The following PIAS2 variants were observed in gnomAD, a reference collection of about 807,000 sequenced individuals.
PIAS2 encodes the protein protein inhibitor of activated STAT 2, also known as E3 SUMO-protein ligase PIAS2.
In PIAS2, 19 loss-of-function variants were observed where a neutral mutation model predicts 69.7. The observed-to-expected ratio is 0.27, with a 90% CI of 0.19 to 0.40. The LOEUF (loss-of-function observed/expected upper bound fraction) is 0.40. PIAS2 is among the 10% of genes least tolerant of loss of function. The pLI, the probability that PIAS2 is intolerant of heterozygous loss-of-function variation, is 1.00. For synonymous variants in PIAS2, 261 were observed against 263.2 expected (o/e 0.99, Z 0.08); for missense variants, 624 against 757.0 (o/e 0.82, Z 2.06).
intron 5 of PIAS2, among the ~76,000 whole-genome samples, chr18:46,849,478 CAG>C (rs2046643114): frequency 6.6e-6 from 1 of 152,118 alleles, no homozygotes; most frequent in Admixed American, 6.5e-5. Flanking sequence ...GTTCATGTGA[CAG>C]GGAACCAGTG....
intron 2 of PIAS2, among the ~76,000 whole-genome samples, chr18:46,880,805 A>G (rs1378897384): frequency 6.6e-6 from 1 of 152,208 alleles, no homozygotes; most frequent in Non-Finnish European, 1.5e-5. Context: ...CTGTGTCTTG[A>G]CATGTTGGAA....
chr18:46,837,881 T>C (rs2044692346), intron 8 of PIAS2, among the ~76,000 whole-genome samples: 1 of 152,220 alleles, frequency 6.6e-6, no homozygotes, highest in Non-Finnish European at 1.5e-5. Flanking sequence ...TCTAGATCTC[T>C]GCTCACCACT....
At chr18:46,890,355 G>A (rs774561336) in intron 2 of PIAS2, among the ~76,000 whole-genome samples, 3 of 152,168 alleles carry the variant, frequency 2.0e-5, no homozygotes, top group Non-Finnish European at 4.4e-5. Flanking sequence ...TATATTATGT[G>A]TATTTTACAA....
At chr18:46,832,892 C>CAAAA (rs34958166) in intron 9 of PIAS2, among the ~76,000 whole-genome samples, 1 of 105,998 alleles carries the variant, frequency 9.4e-6, no homozygotes, top group Non-Finnish European at 1.9e-5. Context: ...CCTCTGTCTC[C>CAAAA]AAAAAAAAAA....
At chr18:46,824,218 G>C (rs1599381306) in intron 11 of PIAS2, among the ~76,000 whole-genome samples, 1 of 152,124 alleles carries the variant, frequency 6.6e-6, no homozygotes, top group South Asian at 2.1e-4. Context: ...ACTCACATTT[G>C]CTCAGACTTG....
At position 46,836,423 on chromosome 18, in the gene PIAS2, T is replaced by C. The variant is rs151109124; in HGVS notation, c.1136A>G (p.Lys379Arg). ...CACAGGACAAATCCAGGTGGGCTTT[T>C]TCTCATTCATTTGTAGATAGAGGGC... ...DAALYLQMNEKKPTWICPVCD... is the reference protein window; with the variant it reads ...DAALYLQMNERKPTWICPVCD... The change falls in exon 9 of 14, where the codon AAA (lysine) becomes AGA (arginine). Residue 379 changes from lysine (K) to arginine (R), a missense_variant. By Grantham distance (26) the Lys-to-Arg change is conservative (BLOSUM62 2). This residue lies in a region of PIAS2 where 44 missense variants were observed against 90.9 expected (regional missense o/e 0.48). Transcript: ENST00000585916. 2.9e-4 allele frequency: 466 copies of C among 1,613,922 alleles called. 5 individuals are homozygous for C. Among genetic ancestry groups the C allele is most frequent in the Admixed American group, 4.7e-4 (28 of 60,004 alleles).
chr18:46,883,016 T>C (rs1169539260), intron 2 of PIAS2, among the ~76,000 whole-genome samples: 2 of 150,664 alleles, frequency 1.3e-5, no homozygotes, highest in East Asian at 2.0e-4. Context: ...AAAAATCGCT[T>C]GAACCCGGGA....
intron 2 of PIAS2, among the ~76,000 whole-genome samples, chr18:46,889,952 T>C (rs2053808272): frequency 6.6e-6 from 1 of 152,170 alleles, no homozygotes; most frequent in Non-Finnish European, 1.5e-5. Context: ...AGTAGTGGAG[T>C]GAGCAAAAGA....
upstream of PIAS2, chr18:46,919,955 A>T: frequency 1.5e-6 from 1 of 682,296 alleles, no homozygotes; most frequent in South Asian, 1.5e-5. Context: ...ATAGACGAAT[A>T]GAGTACAATA....
At chr18:46,876,558 A>G (rs1244921758) in intron 2 of PIAS2, among the ~76,000 whole-genome samples, 1 of 152,218 alleles carries the variant, frequency 6.6e-6, no homozygotes, top group Non-Finnish European at 1.5e-5. Flanking sequence ...AGTTTGTGTC[A>G]TCATTGGAAC....
At chr18:46,812,836 G>A (rs1207022921) in intron 13 of PIAS2, among the ~76,000 whole-genome samples, 1 of 152,066 alleles carries the variant, frequency 6.6e-6, no homozygotes, top group Non-Finnish European at 1.5e-5. Context: ...CTCTAAACTT[G>A]TGGAACTTGT....
chr18:46,919,238 G>GCA (rs1362185962), upstream of PIAS2, among the ~76,000 whole-genome samples: 4 of 151,900 alleles, frequency 2.6e-5, no homozygotes, highest in African/African-American at 7.3e-5. Context: ...CTAAATTCCA[G>GCA]CACTTTGGGA....
intron 12 of PIAS2, among the ~76,000 whole-genome samples, chr18:46,819,997 T>C (rs2041995051): frequency 6.6e-6 from 1 of 152,132 alleles, no homozygotes; most frequent in Non-Finnish European, 1.5e-5. Context: ...TCAGAAAATA[T>C]CACATGGAAA....
At chr18:46,876,129 A>C (rs2051148290) in intron 2 of PIAS2, among the ~76,000 whole-genome samples, 1 of 152,220 alleles carries the variant, frequency 6.6e-6, no homozygotes. Flanking sequence ...GCGGACCATC[A>C]CTGGACACTC....
Position 46,812,598 on chromosome 18 carries a change from C to CAT in PIAS2, c.1699_1700dup (p.Met567IlefsTer11), listed in dbSNP as rs1426126690. 1.2e-6 allele frequency: 2 copies of CAT among 1,611,170 alleles called. No homozygotes were observed. Among genetic ancestry groups the CAT allele is most frequent in the Non-Finnish European group, 1.7e-6 (2 of 1,177,556 alleles). ...AGGGTGAGGTGAGACTATCCAAAAA[C>CAT]ATAGGAGGACAGTACTGCTTGAAAC... On this transcript the variant is annotated frameshift_variant, in exon 14 of 14. Coordinates refer to ENST00000585916, the MANE Select transcript of PIAS2 (RefSeq NM_004671.5). LOFTEE classifies it high-confidence loss of function.
intron 1 of PIAS2, chr18:46,905,831 C>A (rs2056527663): frequency 6.6e-6 from 1 of 152,032 alleles, no homozygotes; most frequent in Non-Finnish European, 1.5e-5. Context: ...TAAGCAAGTT[C>A]TACTAAATAT....
intron 2 of PIAS2, among the ~76,000 whole-genome samples, chr18:46,865,646 A>G (rs1354398282): frequency 6.6e-6 from 1 of 152,176 alleles, no homozygotes; most frequent in Non-Finnish European, 1.5e-5. Context: ...CACAAGTCAC[A>G]TCAAGTCAGA....
At chr18:46,835,730 A>T (rs773699039) in intron 9 of PIAS2, among the ~76,000 whole-genome samples, 1 of 152,244 alleles carries the variant, frequency 6.6e-6, no homozygotes, top group Non-Finnish European at 1.5e-5. Flanking sequence ...GTCAATAACA[A>T]AGTCATCACC....
intron 2 of PIAS2, among the ~76,000 whole-genome samples, chr18:46,874,203 G>A (rs925842016): frequency 1.3e-5 from 2 of 152,168 alleles, no homozygotes; most frequent in African/African-American, 2.4e-5. Flanking sequence ...GAAGAACCCT[G>A]GAATAGGGCC....
Sources: gnomAD v4.1 joint callset for allele counts (sites outside exome capture counted in the v4.1 genomes callset) on GRCh38, gnomAD v4.1.1 for gene constraint, gnomAD v4.1.1 regional missense constraint, MANE v1.5 for transcripts, NCBI Gene and HGNC (gene_info 2026-07-23, HGNC 2026-07-21) for gene names.